Variants in TRPM3 observed in about 807,000 individuals in gnomAD.
TRPM3 encodes transient receptor potential cation channel subfamily M member 3.
In TRPM3, 77 loss-of-function variants were observed where a neutral mutation model predicts 181.2. That is an observed-to-expected ratio of 0.42 (90% CI 0.35 to 0.51). The LOEUF (loss-of-function observed/expected upper bound fraction) is 0.51. TRPM3 is among the 20% of genes least tolerant of loss of function. The pLI, the probability that TRPM3 is intolerant of heterozygous loss-of-function variation, is 0.01. For missense variants in TRPM3, 1,759 were observed against 2,196.7 expected (o/e 0.80, Z 3.98); for synonymous variants, 745 against 796.4 (o/e 0.94, Z 1.09).
At chr9:71,143,625 T>C (rs141715641) in intron 1 of TRPM3, among the ~76,000 whole-genome samples, 86 of 152,318 alleles carry the variant, frequency 5.6e-4, no homozygotes, top group African/African-American at 2.0e-3. Context: ...GTGTTTGCTA[T>C]TGTGAATAGT....
At chr9:70,782,014 A>C (rs902090174) in intron 7 of TRPM3, among the ~76,000 whole-genome samples, 1 of 152,074 alleles carries the variant, frequency 6.6e-6, no homozygotes, top group African/African-American at 2.4e-5. Flanking sequence ...AAACAAAAAA[A>C]CCCAGAAAAA....
At chr9:70,671,637 C>T (rs2062958019) in intron 9 of TRPM3, among the ~76,000 whole-genome samples, 1 of 151,852 alleles carries the variant, frequency 6.6e-6, no homozygotes, top group Admixed American at 6.6e-5. Flanking sequence ...ATGTCTGAAC[C>T]CTGATTAGTA....
At chr9:71,285,430 T>C (rs1389977929) in intron 1 of TRPM3, among the ~76,000 whole-genome samples, 2 of 152,166 alleles carry the variant, frequency 1.3e-5, no homozygotes, top group Non-Finnish European at 2.9e-5. Context: ...GAGCAAACAG[T>C]ATAGTCCTCA....
chr9:70,767,400 A>G (rs924743605), intron 7 of TRPM3, among the ~76,000 whole-genome samples: 12 of 152,232 alleles, frequency 7.9e-5, no homozygotes, highest in African/African-American at 2.9e-4. Flanking sequence ...AGAGATATAA[A>G]TAATATTCAG....
chr9:71,358,163 T>A (rs1341144975), intron 1 of TRPM3, among the ~76,000 whole-genome samples: 1 of 152,208 alleles, frequency 6.6e-6, no homozygotes, highest in Non-Finnish European at 1.5e-5. Context: ...ATTTTACTTT[T>A]GGCAAAATAG....
At chr9:70,633,864 C>T (rs1371573262) in intron 12 of TRPM3, among the ~76,000 whole-genome samples, 6 of 152,156 alleles carry the variant, frequency 3.9e-5, no homozygotes, top group Non-Finnish European at 5.9e-5. Flanking sequence ...TACCAAGTGG[C>T]GATAGTGGGC....
intron 3 of TRPM3, among the ~76,000 whole-genome samples, chr9:70,852,759 C>A (rs894531870): frequency 6.6e-6 from 1 of 152,086 alleles, no homozygotes; most frequent in African/African-American, 2.4e-5. Context: ...CTTGCCAATT[C>A]TGAGGCTTTC....
At chr9:70,640,729 G>A (rs191484662) in intron 9 of TRPM3, 69 bp from the exon 10 acceptor site, 16 of 1,230,828 alleles carry the variant, frequency 1.3e-5, no homozygotes, top group Admixed American at 3.8e-5. Context: ...CACCAAGAGC[G>A]CCTGCTCCAT....
chr9:70,654,891 C>T (rs930157554), intron 9 of TRPM3, among the ~76,000 whole-genome samples: 2 of 151,098 alleles, frequency 1.3e-5, no homozygotes, highest in African/African-American at 2.4e-5. Flanking sequence ...CACTGTGTTA[C>T]CCAGGATGGT....
chr9:71,071,901 T>C (rs1430929430), intron 1 of TRPM3, among the ~76,000 whole-genome samples: 1 of 152,098 alleles, frequency 6.6e-6, no homozygotes, highest in Non-Finnish European at 1.5e-5. Flanking sequence ...TCTTTCTCTC[T>C]CTCCTTTACT....
chr9:70,679,074 C>A (rs1445775679), intron 9 of TRPM3, among the ~76,000 whole-genome samples: 1 of 152,140 alleles, frequency 6.6e-6, no homozygotes, highest in Admixed American at 6.5e-5. Context: ...TTTCTTTAAT[C>A]TTCTGTGGCA....
At chr9:70,952,390 G>A (rs1233398789) in intron 1 of TRPM3, among the ~76,000 whole-genome samples, 1 of 152,104 alleles carries the variant, frequency 6.6e-6, no homozygotes, top group Admixed American at 6.6e-5. Flanking sequence ...ACAAAAAGTT[G>A]TTCATATTAC....
At chr9:71,042,979 T>C (rs1318312324) in intron 1 of TRPM3, among the ~76,000 whole-genome samples, 1 of 152,228 alleles carries the variant, frequency 6.6e-6, no homozygotes, top group Non-Finnish European at 1.5e-5. Flanking sequence ...AAGAGTTGCA[T>C]TAATTCCTGT....
At chr9:71,324,364 A>G (rs1232240643) in intron 1 of TRPM3, among the ~76,000 whole-genome samples, 1 of 152,150 alleles carries the variant, frequency 6.6e-6, no homozygotes, top group Non-Finnish European at 1.5e-5. Flanking sequence ...GTATATGAAA[A>G]GATACTCAAC....
chr9:71,295,279 C>T (rs934432733), intron 1 of TRPM3, among the ~76,000 whole-genome samples: 1 of 151,546 alleles, frequency 6.6e-6, no homozygotes, highest in African/African-American at 2.4e-5. Context: ...ATTTTCAAAG[C>T]CTGTGAATAG....
intron 1 of TRPM3, among the ~76,000 whole-genome samples, chr9:71,003,927 G>A (rs530497301): frequency 6.6e-6 from 1 of 152,292 alleles, no homozygotes; most frequent in East Asian, 1.9e-4. Context: ...CCTCCTCCAA[G>A]ATAGAATAAC....
At chr9:71,073,671 T>C (rs2063074908) in intron 1 of TRPM3, among the ~76,000 whole-genome samples, 1 of 152,034 alleles carries the variant, frequency 6.6e-6, no homozygotes, top group South Asian at 2.1e-4. Flanking sequence ...ATTTAGAAAA[T>C]GTTATTTCTT....
intron 22 of TRPM3, among the ~76,000 whole-genome samples, chr9:70,558,768 C>A (rs114772761): frequency 6.6e-6 from 1 of 152,124 alleles, no homozygotes; most frequent in Admixed American, 6.5e-5. Flanking sequence ...AAGTCACGTG[C>A]AGGTACAGAA....
chr9:70,832,686 C>T (rs2094021052), intron 5 of TRPM3, among the ~76,000 whole-genome samples: 1 of 152,154 alleles, frequency 6.6e-6, no homozygotes, highest in Non-Finnish European at 1.5e-5. Context: ...TGGCAGAGTG[C>T]TTCATTTGTG....
Sources: gnomAD v4.1 joint callset for allele counts (sites outside exome capture counted in the v4.1 genomes callset) on GRCh38, gnomAD v4.1.1 for gene constraint, MANE v1.5 for transcripts, NCBI Gene and HGNC (gene_info 2026-07-23, HGNC 2026-07-21) for gene names.